Variants in SRBD1 observed in about 807,000 individuals in gnomAD.
The protein encoded by SRBD1 is S1 RNA-binding domain-containing protein 1.
In SRBD1, 88 loss-of-function variants were observed where a neutral mutation model predicts 115.3. The observed-to-expected ratio is 0.76, with a 90% CI of 0.64 to 0.91. SRBD1 has a LOEUF of 0.91. SRBD1 is among the 40% of genes least tolerant of loss of function. SRBD1 has a pLI of 0.00. For missense variants in SRBD1, 1,385 were observed against 1,177.4 expected, an observed-to-expected ratio of 1.18 and a Z score of -2.58; for synonymous variants, 509 against 407.7, an observed-to-expected ratio of 1.25 and a Z score of -2.99.
intron 14 of SRBD1, among the ~76,000 whole-genome samples, chr2:45,524,012 T>G (rs773661646): frequency 2.0e-5 from 3 of 152,024 alleles, no homozygotes; most frequent in Non-Finnish European, 4.4e-5. Context: ...CAAAAATCAA[T>G]TAATACAGTA....
chr2:45,502,117 C>T (rs1670652610), intron 14 of SRBD1, among the ~76,000 whole-genome samples: 1 of 152,148 alleles, frequency 6.6e-6, no homozygotes, highest in Admixed American at 6.5e-5. Flanking sequence ...CAGGCAGCAA[C>T]ATTTGCTGTT....
intron 16 of SRBD1, among the ~76,000 whole-genome samples, chr2:45,437,280 A>C (rs1668525954): frequency 6.6e-6 from 1 of 151,920 alleles, no homozygotes; most frequent in African/African-American, 2.4e-5. Context: ...AAGAGAATGA[A>C]GTCAAAGAAC....
At chr2:45,482,559 TAATAAAAAC>T (rs934180022) in intron 15 of SRBD1, among the ~76,000 whole-genome samples, 1 of 151,260 alleles carries the variant, frequency 6.6e-6, no homozygotes, top group Non-Finnish European at 1.5e-5. Context: ...AATTAAAATG[TAATAAAAAC>T]AATAAAAACA....
chr2:45,580,260 A>C (rs540626834), intron 6 of SRBD1, among the ~76,000 whole-genome samples: 1 of 152,258 alleles, frequency 6.6e-6, no homozygotes, highest in South Asian at 2.1e-4. Context: ...TCATCTTAAA[A>C]ACTCATTGCT....
chr2:45,483,479 C>CATAAT (rs1248454471), intron 15 of SRBD1, among the ~76,000 whole-genome samples: 7 of 152,040 alleles, frequency 4.6e-5, no homozygotes, highest in Non-Finnish European at 8.8e-5. Flanking sequence ...TCTCCTCACT[C>CATAAT]ATAATATGTC....
intron 19 of SRBD1, among the ~76,000 whole-genome samples, chr2:45,396,671 T>G (rs1392073282): frequency 6.6e-6 from 1 of 152,288 alleles, no homozygotes; most frequent in Middle Eastern, 3.4e-3. Flanking sequence ...CAGAAACTTG[T>G]TATAAGTGCA....
At chr2:45,500,228 C>CTG (rs60622580) in intron 14 of SRBD1, among the ~76,000 whole-genome samples, 18,418 of 146,244 alleles carry the variant, frequency 0.13, 1,219 homozygotes, top group East Asian at 0.21. Flanking sequence ...TAAATTTATC[C>CTG]TGTGTGTGTG....
intron 2 of SRBD1, among the ~76,000 whole-genome samples, chr2:45,605,147 T>C (rs1252333317): frequency 6.6e-6 from 1 of 152,234 alleles, no homozygotes; most frequent in Non-Finnish European, 1.5e-5. Flanking sequence ...GTTACATATT[T>C]AGTTGGTTAC....
chr2:45,532,396 C>A (rs1005894295), intron 14 of SRBD1, among the ~76,000 whole-genome samples: 1 of 151,734 alleles, frequency 6.6e-6, no homozygotes, highest in Non-Finnish European at 1.5e-5. Context: ...ATAAAGAAGA[C>A]GGAGCTGAAG....
In SRBD1 at chr2:45,402,488, A is replaced by T. The variant is rs1396668766; in HGVS notation, c.2514-9359T>A. On this transcript the variant is annotated intron_variant, in intron 19 of 20. Coordinates refer to ENST00000263736, the MANE Select transcript of SRBD1 (RefSeq NM_018079.5). ...AAATATCACAAACAGGTATTGATAC[A>T]AATCATTCCTTGACATACATTTACC... Among the ~76,000 whole-genome samples the T allele has an allele frequency of 2.6e-5, 4 of 152,184 alleles. 1 individual carries two copies. The highest frequency in any genetic ancestry group is 9.6e-5 in the African/African-American group (4 of 41,454).
intron 10 of SRBD1, 49 bp from the exon 11 acceptor site, chr2:45,553,779 G>T (rs1672381900): frequency 8.0e-7 from 1 of 1,250,732 alleles, no homozygotes; most frequent in Non-Finnish European, 1.1e-6. Flanking sequence ...AATAAATAAG[G>T]CCATAAAAAG....
At chr2:45,451,493 A>G (rs1411230911) in intron 16 of SRBD1, among the ~76,000 whole-genome samples, 1 of 152,096 alleles carries the variant, frequency 6.6e-6, no homozygotes, top group Non-Finnish European at 1.5e-5. Context: ...ACATACTATC[A>G]GAGATTTTGT....
At chr2:45,430,127 G>C (rs780368061) in intron 16 of SRBD1, among the ~76,000 whole-genome samples, 5 of 151,900 alleles carry the variant, frequency 3.3e-5, no homozygotes, top group Non-Finnish European at 7.4e-5. Context: ...ACTGCGCAAG[G>C]AAAAAAGACA....
At chr2:45,419,933 T>A (rs756148389) in intron 16 of SRBD1, 39 bp from the exon 17 acceptor site, 21 of 1,489,594 alleles carry the variant, frequency 1.4e-5, no homozygotes, top group Non-Finnish European at 1.9e-5. Flanking sequence ...GTGAAGGAGA[T>A]GTAGTTCTTG....
intron 19 of SRBD1, among the ~76,000 whole-genome samples, chr2:45,399,635 T>C (rs1400895791): frequency 6.6e-6 from 1 of 152,106 alleles, no homozygotes; most frequent in East Asian, 1.9e-4. Flanking sequence ...TTCGGAGATT[T>C]TCATGCAGAC....
intron 16 of SRBD1, among the ~76,000 whole-genome samples, chr2:45,458,761 C>T (rs916545151): frequency 1.3e-5 from 2 of 152,146 alleles, no homozygotes; most frequent in Admixed American, 6.6e-5. Context: ...ACAAAACACC[C>T]TCTACATTCC....
chr2:45,477,061 G>A lies in SRBD1; in HGVS notation c.1981C>T (p.Arg661Cys), dbSNP rs1430032098. 6 of 1,613,404 alleles carry A rather than the reference G, an allele frequency of 3.7e-6. No homozygotes were observed. Among genetic ancestry groups the A allele is most frequent in the East Asian group, 2.2e-5 (1 of 44,818 alleles). Residue 661 changes from arginine (R) to cysteine (C), a missense_variant, in exon 16 of 21, where the codon CGT becomes TGT. Coordinates refer to ENST00000263736, the MANE Select transcript of SRBD1 (RefSeq NM_018079.5). The part of the protein sequence containing the change: ...NLRSAVSIAR[R>C]VQDPLAELVK... ...AGCTCAGCTAATGGATCTTGTACACGCCTTGCTATGGAAACTGAAAAAACA... is the reference window on the plus strand; with the variant it reads ...AGCTCAGCTAATGGATCTTGTACACACCTTGCTATGGAAACTGAAAAAACA...
intron 16 of SRBD1, among the ~76,000 whole-genome samples, chr2:45,465,218 G>C (rs977159172): frequency 6.6e-6 from 1 of 151,882 alleles, no homozygotes; most frequent in Non-Finnish European, 1.5e-5. Context: ...TACCTAATAC[G>C]GTGTAAAGGC....
intron 14 of SRBD1, among the ~76,000 whole-genome samples, chr2:45,531,478 G>A (rs1017257808): frequency 1.3e-5 from 2 of 151,796 alleles, no homozygotes; most frequent in African/African-American, 4.8e-5. Context: ...TTGAAGGCAA[G>A]TAAATATCTT....
Sources: gnomAD v4.1 joint callset for allele counts (sites outside exome capture counted in the v4.1 genomes callset) on GRCh38, gnomAD v4.1.1 for gene constraint, MANE v1.5 for transcripts, NCBI Gene and HGNC (gene_info 2026-07-23, HGNC 2026-07-21) for gene names.